Variants in TPD52L2 observed in about 807,000 individuals in gnomAD.
TPD52L2 encodes tumor protein D54.
In TPD52L2, 19 loss-of-function variants were observed where a neutral mutation model predicts 24.7. That is an observed-to-expected ratio of 0.77 (90% confidence interval 0.54 to 1.13). The LOEUF is 1.13. Ranked by LOEUF, TPD52L2 falls within the 50% of genes most tolerant of loss-of-function variation. The pLI, the probability that TPD52L2 is intolerant of heterozygous loss-of-function variation, is 0.00. For missense variants in TPD52L2, 236 were observed against 250.4 expected (o/e 0.94, Z 0.39); for synonymous variants, 104 against 100.2 (o/e 1.04, Z -0.23).
chr20:63,866,198 G>T (rs539543725), intron 1 of TPD52L2, among the ~76,000 whole-genome samples: 40 of 152,066 alleles, frequency 2.6e-4, no homozygotes, highest in African/African-American at 9.4e-4. Flanking sequence ...TCGACCTCCC[G>T]GGTTCAAGCG....
chr20:63,889,312 T>A lies in TPD52L2; in HGVS notation c.525+74T>A, dbSNP rs2053248362. The A allele has an allele frequency of 1.1e-5, 15 of 1,317,960 alleles. No homozygotes were observed. The South Asian group carries it at 1.6e-4, about 14-fold the overall frequency. 81.6% of individuals were successfully genotyped at this position (1,317,960 alleles called of 1,614,324 possible). A position where few individuals can be genotyped will look rare whatever the true frequency, so the allele number is the denominator to read the frequency against. Reference sequence around the variant, plus strand: ...ACAGCAACTTGTTTATTATTAGTCATTTAGTTATGGTAGACTCACATACAG... The same window carrying A: ...ACAGCAACTTGTTTATTATTAGTCAATTAGTTATGGTAGACTCACATACAG... On this transcript the variant is annotated intron_variant, in intron 6 of 6. Coordinates refer to ENST00000346249, the MANE Select transcript of TPD52L2 (RefSeq NM_003288.4).
chr20:63,885,550 C>T (rs952916333), intron 5 of TPD52L2, among the ~76,000 whole-genome samples: 2 of 152,246 alleles, frequency 1.3e-5, no homozygotes, highest in Non-Finnish European at 2.9e-5. Context: ...GGTGCGTGTG[C>T]TCCCTCAGCT....
Position 63,875,717 on chromosome 20 carries a change from G to A in TPD52L2, c.315-99G>A. The A allele has an allele frequency of 3.2e-6, 4 of 1,247,230 alleles. No homozygotes were observed. The South Asian group carries it at 3.8e-5, about 12-fold the overall frequency. The allele number at this position is 1,247,230 out of a possible 1,614,324, so 77.3% of individuals were successfully genotyped here. ...GTCTGTGGAGTTGATGTTCCTGCCA[G>A]CTGGTCCCTCTCTGTCTTCCCTGGA... is the stretch of plus-strand genomic sequence containing the variant. On this transcript the variant is annotated intron_variant, in intron 3 of 6. Transcript: ENST00000346249.
intron 4 of TPD52L2, among the ~76,000 whole-genome samples, chr20:63,876,157 G>C (rs2052669009): frequency 6.6e-6 from 1 of 152,190 alleles, no homozygotes; most frequent in South Asian, 2.1e-4. Flanking sequence ...GGTCCTGGCT[G>C]TATCTCTAAC....
intron 5 of TPD52L2, chr20:63,886,122 G>A (rs372812187): frequency 2.2e-5 from 32 of 1,431,586 alleles, no homozygotes; most frequent in African/African-American, 1.1e-4. Context: ...GCCCTTGGGC[G>A]GCTGTGCTAG....
intron 4 of TPD52L2, among the ~76,000 whole-genome samples, chr20:63,879,111 G>C (rs1438907611): frequency 1.3e-5 from 2 of 152,242 alleles, no homozygotes; most frequent in African/African-American, 4.8e-5. Flanking sequence ...AGCCACAGCT[G>C]TTGGGCAGGG....
Position 63,877,889 on chromosome 20 carries a change from G to A in TPD52L2, c.374+2014G>A, listed in dbSNP as rs1036514380. Among the ~76,000 whole-genome samples, 23 of 152,126 alleles carry A rather than the reference G, an allele frequency of 1.5e-4. 1 individual carries two copies. Among genetic ancestry groups the A allele is most frequent in the Admixed American group, 1.2e-3 (19 of 15,296 alleles). On this transcript the variant is annotated intron_variant, in intron 4 of 6. Transcript: ENST00000346249. The surrounding 1 kb of genome is among the most constrained non-coding windows in gnomAD (Gnocchi z 4.1). ...CAGGCCGAGGGCGATGGTTTCTGCC[G>A]GGACGGCCCAGGCCGAGGGCGATGG...
intron 2 of TPD52L2, among the ~76,000 whole-genome samples, chr20:63,871,695 G>A (rs544725725): frequency 1.3e-5 from 2 of 149,840 alleles, no homozygotes; most frequent in Non-Finnish European, 3.0e-5. Context: ...GTGGAATGGT[G>A]CGATCTTGGC....
chr20:63,868,553 C>T (rs551526030), intron 1 of TPD52L2, among the ~76,000 whole-genome samples: 7 of 152,290 alleles, frequency 4.6e-5, no homozygotes, highest in Admixed American at 2.6e-4. Flanking sequence ...GCATGTGCTC[C>T]TAGTACGTAA....
intron 1 of TPD52L2, among the ~76,000 whole-genome samples, chr20:63,868,899 C>T (rs1600781642): frequency 6.6e-6 from 1 of 152,140 alleles, no homozygotes; most frequent in Non-Finnish European, 1.5e-5. Flanking sequence ...TGAGATCGCA[C>T]CATTGCACTC....
At position 63,867,880 on chromosome 20, in the gene TPD52L2, C is replaced by T. The variant is rs369214424; in HGVS notation, c.20-1416C>T. ...CTTGAACTCCTGACCTCAGGTGATC[C>T]GCCCGCCTCAGCCTCCCAAAGTGCT... is the stretch of plus-strand genomic sequence containing the variant. On this transcript the variant is annotated intron_variant, in intron 1 of 6. Transcript: ENST00000346249. Among the ~76,000 whole-genome samples the T allele has an allele frequency of 1.2e-4, 18 of 150,776 alleles. 1 individual carries two copies. Among genetic ancestry groups the T allele is most frequent in the African/African-American group, 3.4e-4 (14 of 41,074 alleles).
chr20:63,872,289 T>C (rs2052497869), intron 2 of TPD52L2, among the ~76,000 whole-genome samples: 1 of 152,144 alleles, frequency 6.6e-6, no homozygotes, highest in African/African-American at 2.4e-5. Context: ...ATTCTATGAG[T>C]GCAGACGGTG....
In TPD52L2 at chr20:63,889,920, C is replaced by G. The variant is rs1303823778; in HGVS notation, c.596C>G (p.Pro199Arg). 6.2e-7 allele frequency: 1 copy of G among 1,614,120 alleles called. No homozygotes were observed. Among genetic ancestry groups the G allele is most frequent in the South Asian group, 1.1e-5 (1 of 91,080 alleles). ...TCCTCAGCGGGGAGTGGTGACAAGC[C>G]CCTGTCGGATCCCGCACCTTTCTAA... ...LPSSAGSGDK[P>R]LSDPAPF Residue 199 changes from proline to arginine, a missense_variant, in exon 7 of 7, where the codon CCC becomes CGC. Transcript: ENST00000346249.
chr20:63,880,465 C>A (rs1411737320), intron 4 of TPD52L2, among the ~76,000 whole-genome samples: 2 of 152,254 alleles, frequency 1.3e-5, no homozygotes, highest in African/African-American at 4.8e-5. Flanking sequence ...TCTTTAGGCA[C>A]AAATGCAGGT....
chr20:63,869,145 A>G (rs1158649267), intron 1 of TPD52L2, 151 bp from the exon 2 acceptor site: 1 of 844,378 alleles, frequency 1.2e-6, no homozygotes. Context: ...TCTACTGCCC[A>G]TGCTGTCCTC....
At chr20:63,883,477 C>T (rs1343017046) in intron 5 of TPD52L2, among the ~76,000 whole-genome samples, 7 of 152,180 alleles carry the variant, frequency 4.6e-5, no homozygotes, top group Admixed American at 3.9e-4. Flanking sequence ...GGCTGGGCTA[C>T]CTCCTGGCTG....
chr20:63,869,021 C>T (rs8116909), intron 1 of TPD52L2, among the ~76,000 whole-genome samples: 12,149 of 152,274 alleles, frequency 0.08, 545 homozygotes, highest in East Asian at 0.12. Flanking sequence ...AGTATTCTCA[C>T]TGGGAAGCCA....
At chr20:63,865,512 C>T (rs1167369572) in intron 1 of TPD52L2, 128 bp downstream of exon 1, 1 of 1,258,534 alleles carries the variant, frequency 7.9e-7, no homozygotes, top group Non-Finnish European at 1.1e-6. Flanking sequence ...GGCCCCTCTT[C>T]AGCTCCCGGG....
chr20:63,865,640 G>C (rs1044803182), intron 1 of TPD52L2, among the ~76,000 whole-genome samples: 4 of 151,806 alleles, frequency 2.6e-5, no homozygotes, highest in Admixed American at 1.3e-4. Context: ...CCGAGGTGTG[G>C]TTCCCTGGCG....
Sources: allele counts gnomAD v4.1 joint callset (sites outside exome capture counted in the v4.1 genomes callset), GRCh38; gene constraint gnomAD v4.1.1; non-coding constraint Gnocchi (gnomAD v3.1); transcripts MANE v1.5; gene names NCBI Gene and HGNC (gene_info 2026-07-23, HGNC 2026-07-21).